Variants in LINGO2 observed in about 807,000 individuals in gnomAD.
The protein encoded by LINGO2 is leucine rich repeat and Ig domain containing 2.
Under a neutral mutation model 30.6 loss-of-function variants are expected in LINGO2, and 14 were observed. The observed-to-expected ratio is 0.46, with a 90% CI of 0.30 to 0.72. The LOEUF (loss-of-function observed/expected upper bound fraction) is 0.72, where lower values mean the gene tolerates loss of function less well. LINGO2 is among the 30% of genes least tolerant of loss of function. The pLI, the probability that LINGO2 is intolerant of heterozygous loss-of-function variation, is 0.07. For missense variants in LINGO2, 729 were observed against 751.7 expected (o/e 0.97, Z 0.35); for synonymous variants, 317 against 288.5 (o/e 1.10, Z -1.00).
chr9:29,045,658 G>A, the LINGO2 span, among the ~76,000 whole-genome samples: 1 of 151,372 alleles, frequency 6.6e-6, no homozygotes, highest in Admixed American at 6.6e-5. Context: ...ATTTTAAAAC[G>A]GTTTTTCCTA....
At chr9:27,994,388 A>G (rs1821551059) in intron 5 of LINGO2, among the ~76,000 whole-genome samples, 1 of 152,154 alleles carries the variant, frequency 6.6e-6, no homozygotes, top group Non-Finnish European at 1.5e-5. Context: ...TGACTAGACT[A>G]AGAAAAATGA....
the LINGO2 span, among the ~76,000 whole-genome samples, chr9:29,033,532 G>A: frequency 7.9e-5 from 12 of 151,708 alleles, no homozygotes; most frequent in South Asian, 4.2e-4. Context: ...TAGAAGTGTT[G>A]CCAAGATTGA....
intron 4 of LINGO2, among the ~76,000 whole-genome samples, chr9:28,088,173 T>C (rs1825967571): frequency 6.7e-6 from 1 of 148,548 alleles, no homozygotes; most frequent in Non-Finnish European, 1.5e-5. Context: ...TTTGAGGAGA[T>C]GAAGAAATAA....
At chr9:28,444,689 T>C (rs571480886) in intron 2 of LINGO2, among the ~76,000 whole-genome samples, 8 of 152,312 alleles carry the variant, frequency 5.3e-5, no homozygotes, top group African/African-American at 1.4e-4. Flanking sequence ...TGGAAGTTTC[T>C]TGTGGTATGT....
chr9:27,940,567 A>T, the LINGO2 span: 1 of 152,326 alleles, frequency 6.6e-6, no homozygotes, highest in East Asian at 1.9e-4. Context: ...AAAAGAATAT[A>T]GGGTTGTACA....
chr9:28,171,667 T>C (rs540570556), intron 4 of LINGO2, among the ~76,000 whole-genome samples: 1 of 152,210 alleles, frequency 6.6e-6, no homozygotes, highest in South Asian at 2.1e-4. Flanking sequence ...CTAAACCTTT[T>C]ATTGTGGTCA....
At chr9:28,471,452 C>CA (rs1177675761) in intron 2 of LINGO2, among the ~76,000 whole-genome samples, 13 of 152,132 alleles carry the variant, frequency 8.5e-5, no homozygotes, top group African/African-American at 2.4e-4. Flanking sequence ...ACAAGAGTGG[C>CA]ATTATTCTCT....
chr9:29,169,236 C>T, the LINGO2 span, among the ~76,000 whole-genome samples: 2 of 152,148 alleles, frequency 1.3e-5, no homozygotes, highest in Admixed American at 1.3e-4. Flanking sequence ...GGGTGAGCCA[C>T]CACACCCGGC....
At chr9:28,144,924 T>C (rs954694231) in intron 4 of LINGO2, among the ~76,000 whole-genome samples, 4 of 152,182 alleles carry the variant, frequency 2.6e-5, no homozygotes, top group African/African-American at 9.6e-5. Flanking sequence ...TTTAGTCTAG[T>C]GGGGTGGATA....
chr9:28,058,742 A>C (rs1825042440), intron 4 of LINGO2, among the ~76,000 whole-genome samples: 1 of 152,148 alleles, frequency 6.6e-6, no homozygotes, highest in Admixed American at 6.5e-5. Context: ...AACTTATCAA[A>C]AAATATTGCA....
chr9:28,129,770 A>G lies in LINGO2; in HGVS notation c.-86-117365T>C, dbSNP rs1346998788. ...GACATATTGCTGGTGATTTGAAAAC[A>G]ATAACCTAGTCATAAGCTTTTATTT... On this transcript the variant is annotated intron_variant, in intron 4 of 5. Coordinates refer to ENST00000379992, the Ensembl canonical transcript of LINGO2. This position sits in a 1 kb window ranked among gnomAD's most constrained non-coding sequence, Gnocchi z 4.0. The G allele has an allele frequency of 6.6e-6, 1 of 151,782 alleles. No individual in the cohort carries two copies. Among genetic ancestry groups the G allele is most frequent in the Non-Finnish European group, 1.5e-5 (1 of 68,044 alleles). The allele number at this position is 151,782 out of a possible 1,614,324, so 9.4% of individuals were successfully genotyped here.
intron 3 of LINGO2, among the ~76,000 whole-genome samples, chr9:28,363,995 G>A (rs1360485974): frequency 6.6e-6 from 1 of 150,992 alleles, no homozygotes. Context: ...AAAAAAAGAT[G>A]ATGTATTTTC....
intron 4 of LINGO2, among the ~76,000 whole-genome samples, chr9:28,226,465 T>C (rs544264265): frequency 6.6e-6 from 1 of 152,156 alleles, no homozygotes; most frequent in East Asian, 1.9e-4. Context: ...GCACGCTTTT[T>C]TCTCTTACCA....
rs1232189465 is a variant in LINGO2, at chr9:28,623,873, T to A, written c.-365+46327A>T. ...TTTGTATCCTCTTCAATTTCTTTCATCAGTGTTTTATAGTTTTCATTGTAA... is the reference window on the plus strand; with the variant it reads ...TTTGTATCCTCTTCAATTTCTTTCAACAGTGTTTTATAGTTTTCATTGTAA... On this transcript the variant is annotated intron_variant, in intron 1 of 5. Transcript: ENST00000379992. Among the ~76,000 whole-genome samples, 4 of 152,214 alleles carry A rather than the reference T, an allele frequency of 2.6e-5. No homozygotes were observed. In the East Asian group the frequency reaches 7.7e-4, roughly 29 times the overall value.
chr9:27,964,648 A>T (rs914135721), intron 5 of LINGO2, among the ~76,000 whole-genome samples: 10 of 152,120 alleles, frequency 6.6e-5, no homozygotes, highest in Admixed American at 1.3e-4. Context: ...AAGAGGATCA[A>T]GAAAATTGTT....
At chr9:29,090,707 G>A in the LINGO2 span, among the ~76,000 whole-genome samples, 1 of 151,940 alleles carries the variant, frequency 6.6e-6, no homozygotes, top group African/African-American at 2.4e-5. Flanking sequence ...AAATTTCAGG[G>A]ATGGGGAGAA....
intron 1 of LINGO2, among the ~76,000 whole-genome samples, chr9:28,479,003 A>C (rs1177174036): frequency 6.6e-6 from 1 of 152,004 alleles, no homozygotes; most frequent in African/African-American, 2.4e-5. Context: ...ACATTGTGGT[A>C]AATATGTGTG....
At chr9:28,076,582 T>C (rs541763055) in intron 4 of LINGO2, among the ~76,000 whole-genome samples, 47 of 152,248 alleles carry the variant, frequency 3.1e-4, no homozygotes, top group Non-Finnish European at 6.2e-4. Flanking sequence ...ATCACATTCC[T>C]TTCTTCATGT....
At chr9:28,054,064 C>CAAAAAAAAAAAAA (rs11461978) in intron 4 of LINGO2, among the ~76,000 whole-genome samples, 2 of 149,188 alleles carry the variant, frequency 1.3e-5, no homozygotes, top group African/African-American at 4.9e-5. Flanking sequence ...AGCTAGCAGA[C>CAAAAAAAAAAAAA]AAAAAAAAAG....
Sources: allele counts gnomAD v4.1 joint callset (sites outside exome capture counted in the v4.1 genomes callset), GRCh38; gene constraint gnomAD v4.1.1; non-coding constraint Gnocchi (gnomAD v3.1); transcripts MANE v1.5; gene names NCBI Gene and HGNC (gene_info 2026-07-23, HGNC 2026-07-21).